BACH2: variants seen among roughly 807,000 people sequenced by gnomAD.
BACH2 encodes the protein transcription regulator protein BACH2.
A neutral mutation model predicts 61.8 loss-of-function variants in BACH2; 5 were observed. That is an observed-to-expected ratio of 0.08 (90% CI 0.04 to 0.17). The LOEUF (loss-of-function observed/expected upper bound fraction) is 0.17, where lower values mean the gene tolerates loss of function less well. Among genes scored for constraint, BACH2 ranks in the 10% least tolerant of loss-of-function variants. BACH2 has a pLI of 1.00. For synonymous variants in BACH2, 446 were observed against 440.1 expected (o/e 1.01, Z -0.17); for missense variants, 824 against 1,091.1 (o/e 0.76, Z 3.45).
chr6:90,087,436 C>T (rs757334726), intron 5 of BACH2, among the ~76,000 whole-genome samples: 113 of 152,154 alleles, frequency 7.4e-4, no homozygotes, highest in Non-Finnish European at 1.3e-3. Context: ...ACAGTCAAAG[C>T]TCAGAAATAT....
chr6:89,935,498 G>T (rs1224942953), intron 8 of BACH2, among the ~76,000 whole-genome samples: 1 of 152,174 alleles, frequency 6.6e-6, no homozygotes, highest in African/African-American at 2.4e-5. Context: ...TGTGACAGCA[G>T]CAGGGGAAGG....
chr6:89,982,938 C>T (rs1425653584), intron 6 of BACH2, among the ~76,000 whole-genome samples: 1 of 152,132 alleles, frequency 6.6e-6, no homozygotes, highest in African/African-American at 2.4e-5. Context: ...TTGATGATTA[C>T]CCTTAACATG....
chr6:89,987,903 G>A (rs949951206), intron 6 of BACH2, among the ~76,000 whole-genome samples: 4 of 152,092 alleles, frequency 2.6e-5, no homozygotes, highest in African/African-American at 9.7e-5. Context: ...AGTTGACCAG[G>A]AAGAAAGACA....
chr6:90,053,988 G>A (rs1034025252), intron 5 of BACH2, among the ~76,000 whole-genome samples: 1 of 152,176 alleles, frequency 6.6e-6, no homozygotes, highest in African/African-American at 2.4e-5. Context: ...CGGTGGGGAG[G>A]AGCCAAGATG....
chr6:89,933,557 G>T (rs925671969), intron 8 of BACH2, among the ~76,000 whole-genome samples: 1 of 151,988 alleles, frequency 6.6e-6, no homozygotes, highest in Non-Finnish European at 1.5e-5. Flanking sequence ...GTCAGTGTAG[G>T]TTCATTGACT....
chr6:90,131,557 A>G (rs953540956), intron 4 of BACH2, among the ~76,000 whole-genome samples: 1 of 152,222 alleles, frequency 6.6e-6, no homozygotes, highest in Non-Finnish European at 1.5e-5. Flanking sequence ...AAGCTCCAGA[A>G]GGACAGACTG....
At chr6:90,112,178 C>T (rs190679935) in intron 4 of BACH2, among the ~76,000 whole-genome samples, 1 of 152,254 alleles carries the variant, frequency 6.6e-6, no homozygotes, top group East Asian at 1.9e-4. Context: ...GTTGTTAATC[C>T]TTTTCTTCTC....
At chr6:90,147,663 T>C (rs1464662298) in intron 4 of BACH2, among the ~76,000 whole-genome samples, 6 of 151,988 alleles carry the variant, frequency 3.9e-5, no homozygotes, top group Non-Finnish European at 8.8e-5. Context: ...AGATAGTCAA[T>C]TAGAAAAAAA....
chr6:90,281,010 C>G (rs576362771), intron 1 of BACH2, among the ~76,000 whole-genome samples: 1 of 152,352 alleles, frequency 6.6e-6, no homozygotes, highest in Non-Finnish European at 1.5e-5. Flanking sequence ...ACATCTTTAT[C>G]ACAGAAAATG....
intron 4 of BACH2, among the ~76,000 whole-genome samples, chr6:90,105,576 G>A (rs535398860): frequency 1.3e-4 from 20 of 152,312 alleles, no homozygotes; most frequent in African/African-American, 4.6e-4. Flanking sequence ...AGGCTGAACT[G>A]TAAGACATAA....
intron 2 of BACH2, among the ~76,000 whole-genome samples, chr6:90,257,263 T>A (rs1397459973): frequency 6.6e-6 from 1 of 152,192 alleles, no homozygotes; most frequent in Non-Finnish European, 1.5e-5. Context: ...GGCTGGGTCA[T>A]ATATGGTAGT....
intron 4 of BACH2, among the ~76,000 whole-genome samples, chr6:90,089,804 C>T (rs1227192162): frequency 6.6e-6 from 1 of 152,042 alleles, no homozygotes; most frequent in Non-Finnish European, 1.5e-5. Context: ...AGAGATGCAG[C>T]TACCATTTAT....
intron 6 of BACH2, among the ~76,000 whole-genome samples, chr6:89,988,188 C>T (rs1776345774): frequency 6.6e-6 from 1 of 152,232 alleles, no homozygotes. Flanking sequence ...TCCTATTCAA[C>T]ACAAATCCAT....
intron 6 of BACH2, among the ~76,000 whole-genome samples, chr6:89,993,674 C>A (rs1295649559): frequency 6.6e-6 from 1 of 152,140 alleles, no homozygotes; most frequent in African/African-American, 2.4e-5. Flanking sequence ...GAAACCACCT[C>A]ATTACCACAG....
At chr6:90,173,882 G>A (rs913563750) in intron 4 of BACH2, among the ~76,000 whole-genome samples, 6 of 152,098 alleles carry the variant, frequency 3.9e-5, no homozygotes, top group Non-Finnish European at 7.4e-5. Flanking sequence ...GATTTACAAA[G>A]CACAAATCTA....
At chr6:90,166,682 T>G (rs1434963496) in intron 4 of BACH2, among the ~76,000 whole-genome samples, 1 of 152,082 alleles carries the variant, frequency 6.6e-6, no homozygotes, top group Non-Finnish European at 1.5e-5. Context: ...TAGACTGGAT[T>G]AAGAAAATGT....
chr6:90,109,165 ATTTT>A (rs557285708), intron 4 of BACH2, among the ~76,000 whole-genome samples: 1 of 151,400 alleles, frequency 6.6e-6, no homozygotes, highest in Non-Finnish European at 1.5e-5. Context: ...CCTGTTGTAG[ATTTT>A]TTTTTGTCAC....
chr6:90,125,677 C>G (rs1269909938), intron 4 of BACH2, among the ~76,000 whole-genome samples: 1 of 152,210 alleles, frequency 6.6e-6, no homozygotes, highest in Non-Finnish European at 1.5e-5. Context: ...CATGTGCAGA[C>G]CATGCCCATT....
intron 5 of BACH2, among the ~76,000 whole-genome samples, chr6:90,027,063 T>C (rs1310774166): frequency 6.6e-6 from 1 of 152,116 alleles, no homozygotes; most frequent in African/African-American, 2.4e-5. Context: ...CCACTCCTGT[T>C]TTTCCATTTA....
Sources: gnomAD v4.1 joint callset for allele counts (sites outside exome capture counted in the v4.1 genomes callset) on GRCh38, gnomAD v4.1.1 for gene constraint, MANE v1.5 for transcripts, NCBI Gene and HGNC (gene_info 2026-07-23, HGNC 2026-07-21) for gene names.